DHX29: variants seen among roughly 807,000 people sequenced by gnomAD.
DHX29 encodes the protein ATP-dependent RNA helicase DHX29.
Under a neutral mutation model 167.9 loss-of-function variants are expected in DHX29, and 79 were observed. That is an observed-to-expected ratio of 0.47 (90% CI 0.39 to 0.57). The LOEUF (loss-of-function observed/expected upper bound fraction) is 0.57, where lower values mean the gene tolerates loss of function less well. Among genes scored for constraint, DHX29 ranks in the 20% least tolerant of loss-of-function variants. The pLI is 0.00. For synonymous variants in DHX29, 530 were observed against 546.0 expected (o/e 0.97, Z 0.41); for missense variants, 1,347 against 1,593.4 (o/e 0.85, Z 2.63).
chr5:55,279,629 T>G (rs2111871583), intron 12 of DHX29: 1 of 152,624 alleles, frequency 6.6e-6, no homozygotes, highest in African/African-American at 2.4e-5. Context: ...ACCTCAGCCT[T>G]GCAAGCAGAT....
At chr5:55,260,335 G>A (rs1309335050) in intron 25 of DHX29, among the ~76,000 whole-genome samples, 1 of 152,084 alleles carries the variant, frequency 6.6e-6, no homozygotes, top group African/African-American at 2.4e-5. Context: ...AGGTTCAAGC[G>A]ATTCTCCTGC....
intron 23 of DHX29, among the ~76,000 whole-genome samples, chr5:55,265,466 T>C (rs1746512618): frequency 6.6e-6 from 1 of 152,014 alleles, no homozygotes; most frequent in Admixed American, 6.5e-5. Flanking sequence ...GAAGAATATG[T>C]TAAATAATAC....
At chr5:55,288,531 A>G (rs1004283022) in intron 8 of DHX29, among the ~76,000 whole-genome samples, 12 of 151,984 alleles carry the variant, frequency 7.9e-5, no homozygotes, top group South Asian at 2.1e-4. Flanking sequence ...ACTATAATGC[A>G]AATTATAGTA....
In DHX29 at chr5:55,276,239, A is replaced by G. The variant is rs749610792; in HGVS notation, c.2427+27T>C. The G allele has an allele frequency of 1.4e-5, 21 of 1,543,206 alleles. No homozygotes were observed. The East Asian group carries it at 1.4e-4, about 10-fold the overall frequency. On this transcript the variant is annotated intron_variant, in intron 14 of 26. Transcript: ENST00000251636. ...GTTAGGCCCTGGATATCATTATCTG[A>G]TATCTTTCAAAATATTTTCTTTTTA...
chr5:55,263,843 T>C (rs1746427182), intron 23 of DHX29, among the ~76,000 whole-genome samples: 1 of 150,258 alleles, frequency 6.7e-6, no homozygotes, highest in African/African-American at 2.4e-5. Flanking sequence ...AGGACAAAGT[T>C]CATTCCACTT....
chr5:55,285,793 G>A lies in DHX29; in HGVS notation c.1135C>T (p.Pro379Ser). 1 of 1,604,422 alleles carries A rather than the reference G, an allele frequency of 6.2e-7. No individual in the cohort carries two copies. The highest frequency in any genetic ancestry group is 8.5e-7 in the Non-Finnish European group (1 of 1,173,180). The change falls in exon 9 of 27, where the codon CCC (proline) becomes TCC (serine). Residue 379 changes from proline to serine, a missense_variant. By Grantham distance (74) the Pro-to-Ser change is moderately conservative. This residue lies in a region of DHX29 where 60 missense variants were observed against 94.2 expected (regional missense o/e 0.64). Coordinates refer to ENST00000251636, the MANE Select transcript of DHX29 (RefSeq NM_019030.4). The stretch of plus-strand genomic sequence containing the variant: ...ACCCAATCAATCAGAAATTGTTTGG[G>A]AGATTTTCCAGTCCAACTTCGAGCA... ...YTARSWTGKS[P>S]KQFLIDWVRK...
rs1561169821 is a variant in DHX29, at chr5:55,298,582, G to C, written c.261+9C>G. On this transcript the variant is annotated intron_variant, in intron 2 of 26. Transcript: ENST00000251636. ...TTTCTTGAAATGACTCAAAACCTTT[G>C]TTACTTACTTTCAAAATAGATTTAT... is the stretch of plus-strand genomic sequence containing the variant. 1.4e-6 allele frequency: 2 copies of C among 1,463,256 alleles called. No individual in the cohort carries two copies. The highest frequency in any genetic ancestry group is 4.6e-5 in the East Asian group (2 of 43,908). 90.6% of individuals were successfully genotyped at this position (1,463,256 alleles called of 1,614,324 possible).
rs763466968 is a variant in DHX29, at chr5:55,277,158, T to C, written c.2234A>G (p.Tyr745Cys). 1 of 1,613,068 alleles carries C rather than the reference T, an allele frequency of 6.2e-7. No individual in the cohort carries two copies. Among genetic ancestry groups the C allele is most frequent in the South Asian group, 1.1e-5 (1 of 90,864 alleles). ...ATVDSEKFST[Y>C]FTHCPILRIS... ...TCTGAGAATGGGGCAGTGTGTGAAA[T>C]ATGTAGAAAATTTTTCGCTGTCCAC... Residue 745 changes from tyrosine (Y) to cysteine (C), a missense_variant, in exon 13 of 27, where the codon TAT becomes TGT. Physicochemically the swap from Tyr to Cys is radical, Grantham distance 194. Coordinates refer to ENST00000251636, the MANE Select transcript of DHX29 (RefSeq NM_019030.4).
At chr5:55,285,659 T>C (rs1579794919) in intron 9 of DHX29, 37 bp downstream of exon 9, 1 of 1,523,350 alleles carries the variant, frequency 6.6e-7, no homozygotes, top group Non-Finnish European at 8.8e-7. Flanking sequence ...CTAAAGTTCA[T>C]TCAGTTAATT....
chr5:55,305,969 T>C (rs2111994260), intron 1 of DHX29, among the ~76,000 whole-genome samples: 1 of 152,256 alleles, frequency 6.6e-6, no homozygotes, highest in Non-Finnish European at 1.5e-5. Flanking sequence ...GGTCACAGTT[T>C]GGGGCTGGAG....
chr5:55,300,920 G>A (rs911630193), intron 1 of DHX29, among the ~76,000 whole-genome samples: 4 of 152,120 alleles, frequency 2.6e-5, no homozygotes, highest in Admixed American at 2.6e-4. Context: ...CAAGATTAGG[G>A]TACCAGCAAG....
At position 55,290,143 on chromosome 5, in the gene DHX29, G is replaced by A. The variant is rs1747964781; in HGVS notation, c.907+75C>T. The A allele has an allele frequency of 4.7e-6, 7 of 1,492,340 alleles. No individual in the cohort carries two copies. In the Admixed American group the frequency reaches 1.5e-4, roughly 32 times the overall value. The allele number at this position is 1,492,340 out of a possible 1,614,324, so 92.4% of individuals were successfully genotyped here. ...AAAAGGGTAGACATATTAAAAGGAAGCATCATCCATCCCAGGAAGGCCAAC... is the reference window on the plus strand; with the variant it reads ...AAAAGGGTAGACATATTAAAAGGAAACATCATCCATCCCAGGAAGGCCAAC... On this transcript the variant is annotated intron_variant, in intron 7 of 26. Transcript: ENST00000251636.
In DHX29 at chr5:55,294,160, C is replaced by T; in HGVS notation, c.652-15G>A. Reference sequence around the variant, plus strand: ...TCCTTTTTTGGCTAGAAAGAGAAAACAAATATCTGAAAAACCAAAGTTAGA... The same window carrying T: ...TCCTTTTTTGGCTAGAAAGAGAAAATAAATATCTGAAAAACCAAAGTTAGA... On this transcript the variant is annotated splice_polypyrimidine_tract_variant and intron_variant, in intron 5 of 26. Transcript: ENST00000251636. 6.4e-7 allele frequency: 1 copy of T among 1,565,050 alleles called. No individual in the cohort carries two copies. The highest frequency in any genetic ancestry group is 8.6e-7 in the Non-Finnish European group (1 of 1,162,722).
At chr5:55,273,573 C>T (rs541990466) in intron 16 of DHX29, 196 bp from the exon 17 acceptor site, 34 of 585,560 alleles carry the variant, frequency 5.8e-5, no homozygotes, top group East Asian at 7.9e-5. Flanking sequence ...ACAAATTATG[C>T]GAATAGGATT....
At position 55,270,602 on chromosome 5, in the gene DHX29, C is replaced by T. The variant is rs778527549; in HGVS notation, c.2969G>A (p.Cys990Tyr). Residue 990 changes from cysteine to tyrosine, a missense_variant, in exon 19 of 27, where the codon TGT becomes TAT. Coordinates refer to ENST00000251636, the MANE Select transcript of DHX29 (RefSeq NM_019030.4). Reference sequence around the variant, plus strand: ...CCTTTCTCTTGTGTACATTCGGAAACAGAAGCCATCTCTGACCCGCCCAGC... The same window carrying T: ...CCTTTCTCTTGTGTACATTCGGAAATAGAAGCCATCTCTGACCCGCCCAGC... The part of the protein sequence containing the change: ...GRAGRVRDGF[C>Y]FRMYTRERFE... 2 of 1,614,160 alleles carry T rather than the reference C, an allele frequency of 1.2e-6. No homozygotes were observed. The highest frequency in any genetic ancestry group is 2.2e-5 in the East Asian group (1 of 44,876).
intron 1 of DHX29, among the ~76,000 whole-genome samples, chr5:55,306,237 T>C (rs953847863): frequency 2.6e-5 from 4 of 152,234 alleles, no homozygotes; most frequent in African/African-American, 9.6e-5. Flanking sequence ...TCTCATCTCA[T>C]TTCATCCTTT....
chr5:55,285,140 C>A lies in DHX29; in HGVS notation c.1356+153G>T, dbSNP rs112901666. On this transcript the variant is annotated intron_variant, in intron 10 of 26. Coordinates refer to ENST00000251636, the MANE Select transcript of DHX29 (RefSeq NM_019030.4). ...TTTCAGACTTCTGGCCTAAGAGGAA[C>A]GAAAGATCAAACTATGTTTAGGGTT... Among the ~76,000 whole-genome samples the A allele has an allele frequency of 2.4e-3, 363 of 152,138 alleles. 2 individuals are homozygous for A. Among genetic ancestry groups the A allele is most frequent in the Middle Eastern group, 0.024 (7 of 294 alleles).
At position 55,283,618 on chromosome 5, in the gene DHX29, G is replaced by C. The variant is rs1315961651; in HGVS notation, c.1550C>G (p.Ser517Cys). Residue 517 changes from serine to cysteine, a missense_variant, in exon 11 of 27, where the codon TCT (serine) becomes TGT (cysteine). Around this residue, in one of 3 missense-constraint regions of DHX29, gnomAD observed 882 missense variants for 1,082.4 expected, o/e 0.81. Transcript: ENST00000251636. The stretch of plus-strand genomic sequence containing the variant: ...TTCCCAAGATTCCTCGGGATCTTCA[G>C]AGTTTTCTCTCTTATTTTCAGAATG... ...QQHSENKREN[S>C]EDPEESWENL... is the part of the protein sequence containing the mutation. 21 of 1,613,902 alleles carry C rather than the reference G, an allele frequency of 1.3e-5. No individual in the cohort carries two copies. Among genetic ancestry groups the C allele is most frequent in the Non-Finnish European group, 1.7e-5 (20 of 1,179,998 alleles).
intron 13 of DHX29, 102 bp downstream of exon 13, chr5:55,277,004 T>C: frequency 1.3e-6 from 1 of 765,458 alleles, no homozygotes; most frequent in Non-Finnish European, 2.1e-6. Flanking sequence ...TCACTGTACC[T>C]AGGAATAGTT....
Sources: gnomAD v4.1 joint callset for allele counts (sites outside exome capture counted in the v4.1 genomes callset) on GRCh38, gnomAD v4.1.1 for gene constraint, gnomAD v4.1.1 regional missense constraint, MANE v1.5 for transcripts, NCBI Gene and HGNC (gene_info 2026-07-23, HGNC 2026-07-21) for gene names.